IQCK: variants seen among roughly 807,000 people sequenced by gnomAD.
IQCK encodes IQ domain-containing protein K.
A neutral mutation model predicts 28.1 loss-of-function variants in IQCK; 29 were observed. The ratio of observed to expected loss-of-function variants is 1.03; its 90% CI spans 0.77 to 1.41. The LOEUF (loss-of-function observed/expected upper bound fraction) is 1.41, where lower values mean the gene tolerates loss of function less well. Among genes scored for constraint, IQCK ranks in the 40% most tolerant of loss-of-function variants. IQCK has a pLI of 0.00. For synonymous variants in IQCK, 113 were observed against 115.1 expected (o/e 0.98, Z 0.12); for missense variants, 359 against 314.7 (o/e 1.14, Z -1.07).
chr16:19,805,218 G>A (rs2055818950), intron 7 of IQCK, among the ~76,000 whole-genome samples: 1 of 134,182 alleles, frequency 7.5e-6, no homozygotes, highest in South Asian at 2.2e-4. Flanking sequence ...CCCAGGTGAA[G>A]AGAGATGGCA....
downstream of IQCK, among the ~76,000 whole-genome samples, chr16:19,831,515 A>G (rs1182571748): frequency 6.6e-6 from 1 of 152,178 alleles, no homozygotes; most frequent in East Asian, 1.9e-4. Context: ...AAATCTCCCC[A>G]GCCAAGGTGA....
intron 9 of IQCK, among the ~76,000 whole-genome samples, chr16:19,832,545 A>G (rs1339103665): frequency 1.3e-5 from 2 of 152,104 alleles, no homozygotes; most frequent in Non-Finnish European, 2.9e-5. Context: ...AAGATTAGGG[A>G]AAAAAATAAA....
chr16:19,731,228 GAC>G (rs995568699), intron 2 of IQCK, among the ~76,000 whole-genome samples: 24 of 152,204 alleles, frequency 1.6e-4, no homozygotes, highest in African/African-American at 5.8e-4. Context: ...GAGGGCTAAG[GAC>G]AGGGCAGCCA....
intron 1 of IQCK, among the ~76,000 whole-genome samples, chr16:19,722,848 CTGGGATT>C (rs2151672103): frequency 6.6e-6 from 1 of 152,200 alleles, no homozygotes; most frequent in South Asian, 2.1e-4. Context: ...TCCTGAGTAG[CTGGGATT>C]ACAGGCACTT....
rs113525052 is a variant in IQCK, at chr16:19,853,974, G to A, written c.803-2513G>A. Among the ~76,000 whole-genome samples the A allele has an allele frequency of 8.0e-3, 1,213 of 152,344 alleles. 18 individuals carry two copies. Among genetic ancestry groups the A allele is most frequent in the African/African-American group, 0.028 (1,144 of 41,578 alleles). ...GCAGCTTAAACTGTGAGACTCACAG[G>A]CAGCCAGCATGATGTTAATAAGTTG... On this transcript the variant is annotated intron_variant, in intron 9 of 9. Transcript: ENST00000320394.
downstream of IQCK, among the ~76,000 whole-genome samples, chr16:19,831,784 C>T (rs1461286884): frequency 6.6e-6 from 1 of 151,984 alleles, no homozygotes; most frequent in African/African-American, 2.4e-5. Context: ...AAGTTCATAG[C>T]TTAGAGCAAC....
At chr16:19,736,266 T>C in intron 4 of IQCK, 2 of 429,684 alleles carry the variant, frequency 4.7e-6, no homozygotes, top group South Asian at 3.3e-5. Context: ...TTTAGTTTAG[T>C]ATCTTTTTTC....
Position 19,825,044 on chromosome 16 carries a change from T to A in IQCK, c.691-1982T>A, listed in dbSNP as rs2056128503. Among the ~76,000 whole-genome samples, 1 of 152,170 alleles carries A rather than the reference T, an allele frequency of 6.6e-6. No individual in the cohort carries two copies. The highest frequency in any genetic ancestry group is 1.5e-5 in the Non-Finnish European group (1 of 68,024). On this transcript the variant is annotated intron_variant, in intron 7 of 7. Transcript: ENST00000564186. The surrounding 1 kb of genome is among the most constrained non-coding windows in gnomAD (Gnocchi z 4.2). ...CCCTAGTCTTACCATACCTTATTGA[T>A]CTTATTCCTGTGTCTCCTCCTACAC... is the stretch of plus-strand genomic sequence containing the variant.
intron 7 of IQCK, among the ~76,000 whole-genome samples, chr16:19,817,606 G>T (rs2056006445): frequency 6.6e-6 from 1 of 152,164 alleles, no homozygotes; most frequent in African/African-American, 2.4e-5. Flanking sequence ...TGAGGAAATG[G>T]ATGTTTCTGT....
intron 7 of IQCK, among the ~76,000 whole-genome samples, chr16:19,811,985 A>ATTT (rs11290117): frequency 5.3e-5 from 7 of 131,116 alleles, no homozygotes; most frequent in Admixed American, 7.7e-5. Context: ...AATAGCCTTA[A>ATTT]TTTTTTTTTT....
chr16:19,828,571 A>C (rs1272325826), downstream of IQCK, among the ~76,000 whole-genome samples: 2 of 151,952 alleles, frequency 1.3e-5, no homozygotes, highest in Non-Finnish European at 2.9e-5. Context: ...ATTAAATTGC[A>C]GAACTATAAG....
intron 4 of IQCK, among the ~76,000 whole-genome samples, chr16:19,741,182 G>GT (rs1205326585): frequency 1.3e-5 from 2 of 151,964 alleles, no homozygotes; most frequent in East Asian, 3.9e-4. Context: ...CCTTGTGTCT[G>GT]TTTTTTTCAC....
chr16:19,773,351 CTCTTA>C (rs2055343138), intron 6 of IQCK, among the ~76,000 whole-genome samples: 1 of 152,158 alleles, frequency 6.6e-6, no homozygotes, highest in African/African-American at 2.4e-5. Flanking sequence ...CCAACCAATT[CTCTTA>C]TGTTAGTCTC....
At chr16:19,747,154 T>C (rs571140533) in intron 4 of IQCK, among the ~76,000 whole-genome samples, 27 of 152,342 alleles carry the variant, frequency 1.8e-4, no homozygotes, top group African/African-American at 6.3e-4. Flanking sequence ...CTCACTTTTT[T>C]GCAAGTTAGC....
At chr16:19,753,719 T>C (rs2055016542) in intron 4 of IQCK, among the ~76,000 whole-genome samples, 1 of 151,994 alleles carries the variant, frequency 6.6e-6, no homozygotes, top group African/African-American at 2.4e-5. Flanking sequence ...GAGGGAAGGC[T>C]TCAGGGTTGG....
chr16:19,814,240 A>G (rs112268425), intron 7 of IQCK, among the ~76,000 whole-genome samples: 1 of 142,482 alleles, frequency 7.0e-6, no homozygotes, highest in Non-Finnish European at 1.5e-5. Context: ...AAAAAAAAAA[A>G]AAAAAACCAC....
At chr16:19,752,448 C>T (rs1026619212) in intron 4 of IQCK, among the ~76,000 whole-genome samples, 4 of 152,164 alleles carry the variant, frequency 2.6e-5, no homozygotes, top group African/African-American at 9.7e-5. Flanking sequence ...ATTAAGTATG[C>T]AGAGCTAAGA....
At chr16:19,718,962 A>G (rs1329667065) in intron 1 of IQCK, among the ~76,000 whole-genome samples, 2 of 152,214 alleles carry the variant, frequency 1.3e-5, no homozygotes, top group African/African-American at 4.8e-5. Flanking sequence ...TTCAGTAACC[A>G]TGGTGTGGAC....
At position 19,733,223 on chromosome 16, in the gene IQCK, C is replaced by A. The variant is rs191705414; in HGVS notation, c.247-475C>A. ...TGTGATCTCAGCTCACTGTAGCCGC[C>A]ACCTCCTGAGTTCAAGCAATTATCC... is the stretch of plus-strand genomic sequence containing the variant. On this transcript the variant is annotated intron_variant, in intron 2 of 7. Coordinates refer to ENST00000564186, the Ensembl canonical transcript of IQCK. Among the ~76,000 whole-genome samples the A allele has an allele frequency of 4.7e-3, 710 of 152,090 alleles. 5 individuals are homozygous for A. Among genetic ancestry groups the A allele is most frequent in the African/African-American group, 0.017 (693 of 41,476 alleles).
Sources: gnomAD v4.1 joint callset for allele counts (sites outside exome capture counted in the v4.1 genomes callset) on GRCh38, gnomAD v4.1.1 for gene constraint, Gnocchi (gnomAD v3.1) non-coding constraint, MANE v1.5 for transcripts, NCBI Gene and HGNC (gene_info 2026-07-23, HGNC 2026-07-21) for gene names.